The following ULK4 variants were observed in gnomAD, a reference collection of about 807,000 sequenced individuals.
ULK4 encodes inactive serine/threonine-protein kinase ULK4.
ULK4 carries 133 observed loss-of-function variants against 160.6 expected under a neutral mutation model. The ratio of observed to expected loss-of-function variants is 0.83; its 90% CI spans 0.72 to 0.96. The LOEUF (loss-of-function observed/expected upper bound fraction) is 0.96. Ranked by LOEUF, ULK4 falls within the 40% of genes least tolerant of loss-of-function variation. ULK4 has a pLI of 0.00. For synonymous variants in ULK4, 534 were observed against 539.8 expected (o/e 0.99, Z 0.15); for missense variants, 1,580 against 1,499.5 (o/e 1.05, Z -0.89).
At chr3:41,473,640 CAACAGA>C in intron 32 of ULK4, among the ~76,000 whole-genome samples, 1 of 102,310 alleles carries the variant, frequency 9.8e-6, no homozygotes, top group Middle Eastern at 0.012. Context: ...CCAGGCTGGG[CAACAGA>C]ATGAGATTCT....
chr3:41,545,788 T>C (rs986953879), intron 32 of ULK4, among the ~76,000 whole-genome samples: 4 of 152,146 alleles, frequency 2.6e-5, no homozygotes, highest in African/African-American at 4.8e-5. Context: ...AATTGTCCCA[T>C]AGGCTTTTTC....
chr3:41,470,018 G>GAAAAAAAAAAAAAAAAA lies in ULK4; in HGVS notation c.3227-6782_3227-6766dup, dbSNP rs71094650. The stretch of plus-strand genomic sequence containing the variant: ...GAGGAATTCAAGAAGAAACAGAACA[G>GAAAAAAAAAAAAAAAAA]AAAAAAAAAAAAAAAAAAAAAAAAA... On this transcript the variant is annotated intron_variant, in intron 32 of 36. Transcript: ENST00000301831. Among the ~76,000 whole-genome samples, 76 of 45,978 alleles carry GAAAAAAAAAAAAAAAAA rather than the reference G, an allele frequency of 1.7e-3. 4 individuals carry two copies. The highest frequency in any genetic ancestry group is 2.2e-3 in the Non-Finnish European group (59 of 26,540). The allele number at this position is 45,978 out of a possible 152,430, so 30.2% of individuals were successfully genotyped here.
intron 21 of ULK4, among the ~76,000 whole-genome samples, chr3:41,784,538 C>T (rs1480317900): frequency 6.6e-6 from 1 of 152,122 alleles, no homozygotes; most frequent in Non-Finnish European, 1.5e-5. Context: ...TGTGATTGTT[C>T]ACTTTTAACA....
At chr3:41,479,317 T>C (rs913449508) in intron 32 of ULK4, among the ~76,000 whole-genome samples, 1 of 152,204 alleles carries the variant, frequency 6.6e-6, no homozygotes, top group Non-Finnish European at 1.5e-5. Context: ...GCTAAGCATT[T>C]ATAATGTAAA....
intron 35 of ULK4, among the ~76,000 whole-genome samples, chr3:41,306,325 C>G (rs1212755402): frequency 7.7e-6 from 1 of 129,390 alleles, no homozygotes; most frequent in Non-Finnish European, 1.5e-5. Flanking sequence ...GCCCCGCCAG[C>G]CGCCCCATCC....
intron 21 of ULK4, among the ~76,000 whole-genome samples, chr3:41,772,365 C>T (rs1286914815): frequency 8.6e-5 from 13 of 151,580 alleles, no homozygotes; most frequent in East Asian, 1.9e-4. Flanking sequence ...CAAATAGATG[C>T]AATAAAAAAT....
chr3:41,443,672 T>C (rs1045179349), intron 34 of ULK4, among the ~76,000 whole-genome samples: 1 of 152,132 alleles, frequency 6.6e-6, no homozygotes, highest in Non-Finnish European at 1.5e-5. Context: ...ATTAGAACCA[T>C]GCAAAGACTG....
chr3:41,954,668 G>A lies in ULK4; in HGVS notation c.92C>T (p.Ala31Val), dbSNP rs1291560263. 1.9e-6 allele frequency: 3 copies of A among 1,613,962 alleles called. No individual in the cohort carries two copies. The highest frequency in any genetic ancestry group is 2.5e-6 in the Non-Finnish European group (3 of 1,179,904). ...GRRKGTINFV[A>V]ILCTDKCKRP... ...TTTGCACTTATCAGTACAAAGAATG[G>A]CTACAAAATTGATTGTTCCCTTCCG... The change falls in exon 2 of 37, where the codon GCC becomes GTC. Residue 31 changes from alanine to valine, a missense_variant. By Grantham distance (64) the Ala-to-Val change is moderately conservative (BLOSUM62 0). Coordinates refer to ENST00000301831, the MANE Select transcript of ULK4 (RefSeq NM_017886.4).
At position 41,918,495 on chromosome 3, in the gene ULK4, T is replaced by C. The variant is rs1010590689; in HGVS notation, c.689A>G (p.Lys230Arg). The C allele has an allele frequency of 3.8e-6, 6 of 1,586,318 alleles. No homozygotes were observed. In the African/African-American group the frequency reaches 4.1e-5, roughly 11 times the overall value. Residue 230 changes from lysine to arginine, a missense_variant, in exon 7 of 37, where the codon AAG (lysine) becomes AGG (arginine). By Grantham distance (26) the Lys-to-Arg change is conservative. Coordinates refer to ENST00000301831, the MANE Select transcript of ULK4 (RefSeq NM_017886.4). ...FSESISELTEKILCEDPLPPI... is the reference protein window; with the variant it reads ...FSESISELTERILCEDPLPPI... Reference sequence around the variant, plus strand: ...TGGCAAAGGATCTTCACATAAGATCTTTTCAGTTAATTCTGAAATACTTTC... The same window carrying C: ...TGGCAAAGGATCTTCACATAAGATCCTTTCAGTTAATTCTGAAATACTTTC...
At chr3:41,644,385 G>C (rs1337456564) in intron 30 of ULK4, among the ~76,000 whole-genome samples, 6 of 151,908 alleles carry the variant, frequency 3.9e-5, no homozygotes, top group Non-Finnish European at 8.8e-5. Flanking sequence ...CTAATTTATT[G>C]AGAGTTTTTA....
intron 21 of ULK4, among the ~76,000 whole-genome samples, chr3:41,773,109 A>G (rs1250461622): frequency 1.3e-5 from 2 of 152,218 alleles, no homozygotes; most frequent in African/African-American, 2.4e-5. Flanking sequence ...CCCACAGCCA[A>G]TATCATACTG....
chr3:41,722,005 C>T (rs2037487459), intron 22 of ULK4, among the ~76,000 whole-genome samples: 1 of 152,180 alleles, frequency 6.6e-6, no homozygotes, highest in Non-Finnish European at 1.5e-5. Flanking sequence ...GGAAGCAATT[C>T]TCACCTGTTG....
intron 13 of ULK4, among the ~76,000 whole-genome samples, chr3:41,900,165 A>G (rs1216981352): frequency 6.6e-6 from 1 of 152,104 alleles, no homozygotes; most frequent in Admixed American, 6.5e-5. Flanking sequence ...CAAGAAGCAA[A>G]AAAACTCACA....
intron 35 of ULK4, among the ~76,000 whole-genome samples, chr3:41,283,689 A>T (rs550275821): frequency 6.6e-6 from 1 of 152,228 alleles, no homozygotes; most frequent in East Asian, 1.9e-4. Flanking sequence ...GAAATACCTA[A>T]TTTAAATGAC....
intron 30 of ULK4, among the ~76,000 whole-genome samples, chr3:41,623,578 T>C (rs2033354222): frequency 6.6e-6 from 1 of 152,234 alleles, no homozygotes; most frequent in African/African-American, 2.4e-5. Context: ...AAGGATGAAT[T>C]ATCCTAAGTG....
intron 30 of ULK4, among the ~76,000 whole-genome samples, chr3:41,663,274 G>T (rs2035244823): frequency 6.6e-6 from 1 of 151,806 alleles, no homozygotes; most frequent in African/African-American, 2.4e-5. Context: ...AATAACAGTT[G>T]ATAAATACTA....
At chr3:41,867,262 T>C (rs898113661) in intron 17 of ULK4, among the ~76,000 whole-genome samples, 3 of 152,330 alleles carry the variant, frequency 2.0e-5, no homozygotes, top group South Asian at 2.1e-4. Flanking sequence ...TCCCAAAGAA[T>C]AGTCCCTAAA....
intron 35 of ULK4, among the ~76,000 whole-genome samples, chr3:41,391,528 T>C (rs1171634710): frequency 1.3e-5 from 2 of 151,840 alleles, no homozygotes; most frequent in Non-Finnish European, 2.9e-5. Context: ...TCTTTACTTT[T>C]CTATCTAGTA....
chr3:41,531,498 GAAGAAAAAGAA>G (rs1389730874), intron 32 of ULK4, among the ~76,000 whole-genome samples: 1 of 125,144 alleles, frequency 8.0e-6, no homozygotes, highest in African/African-American at 3.1e-5. Flanking sequence ...GAGGAGAGAA[GAAGAAAAAGAA>G]AAGAAAAAGA....
Sources: gnomAD v4.1 joint callset for allele counts (sites outside exome capture counted in the v4.1 genomes callset) on GRCh38, gnomAD v4.1.1 for gene constraint, MANE v1.5 for transcripts, NCBI Gene and HGNC (gene_info 2026-07-23, HGNC 2026-07-21) for gene names.